The following DLG2 variants were observed in gnomAD, a reference collection of about 807,000 sequenced individuals.
The protein encoded by DLG2 is disks large homolog 2.
DLG2 carries 45 observed loss-of-function variants against 132.5 expected under a neutral mutation model. The observed-to-expected ratio is 0.34, with a 90% CI of 0.27 to 0.44. DLG2 has a LOEUF of 0.44. Among genes scored for constraint, DLG2 ranks in the 20% least tolerant of loss-of-function variants. The pLI is 1.00. For synonymous variants in DLG2, 424 were observed against 419.6 expected, an observed-to-expected ratio of 1.01 and a Z score of -0.13; for missense variants, 1,045 against 1,196.9, an observed-to-expected ratio of 0.87 and a Z score of 1.87.
chr11:84,934,504 GTTTTTTTTTTGTTTTGTTTTGT>G lies in DLG2; in HGVS notation c.357+177135_357+177156del, dbSNP rs1191321413. 1.2e-3 allele frequency among the ~76,000 whole-genome samples: 39 copies of G among 33,884 alleles called. 2 individuals carry two copies. Among genetic ancestry groups the G allele is most frequent in the Non-Finnish European group, 1.7e-3 (34 of 20,082 alleles). The allele number at this position is 33,884 out of a possible 152,430, so 22.2% of individuals were successfully genotyped here. A position where few individuals can be genotyped will look rare whatever the true frequency, so the allele number is the denominator to read the frequency against. On this transcript the variant is annotated intron_variant, in intron 6 of 27. Transcript: ENST00000376104. Reference sequence around the variant, plus strand: ...TCTGTGAATCTGTATGGTCCTGGGTGTTTTTTTTTTGTTTTGTTTTGTTTTTTTTTTTTTTTTTTTTTGGTGG... The same window carrying G: ...TCTGTGAATCTGTATGGTCCTGGGTGTTTTTTTTTTTTTTTTTTTTGGTGG...
chr11:84,080,124 C>T (rs2096882803), intron 10 of DLG2, among the ~76,000 whole-genome samples: 2 of 151,510 alleles, frequency 1.3e-5, no homozygotes, highest in South Asian at 4.1e-4. Flanking sequence ...TTTCTTGTTC[C>T]CTTCTCTATT....
intron 6 of DLG2, among the ~76,000 whole-genome samples, chr11:84,833,059 A>T (rs1203792008): frequency 9.7e-6 from 1 of 102,842 alleles, no homozygotes; most frequent in Non-Finnish European, 2.4e-5. Flanking sequence ...TTCAAAATGA[A>T]CTATAGAAAA....
At chr11:84,884,101 G>C (rs2087821526) in intron 6 of DLG2, among the ~76,000 whole-genome samples, 1 of 152,044 alleles carries the variant, frequency 6.6e-6, no homozygotes, top group South Asian at 2.1e-4. Flanking sequence ...ATTAAAGAGT[G>C]TTTTTTGTCA....
At chr11:83,467,862 T>A (rs1248156975) in intron 25 of DLG2, among the ~76,000 whole-genome samples, 6 of 110,238 alleles carry the variant, frequency 5.4e-5, no homozygotes, top group South Asian at 2.9e-4. Flanking sequence ...TATATATATA[T>A]AAATTAAATG....
At chr11:84,066,802 A>G (rs1393684271) in intron 10 of DLG2, among the ~76,000 whole-genome samples, 1 of 152,156 alleles carries the variant, frequency 6.6e-6, no homozygotes, top group African/African-American at 2.4e-5. Flanking sequence ...GTTAGGTCAC[A>G]GGGTCTGAAA....
At chr11:84,126,320 C>T (rs923208255) in intron 9 of DLG2, among the ~76,000 whole-genome samples, 4 of 151,726 alleles carry the variant, frequency 2.6e-5, no homozygotes, top group African/African-American at 9.7e-5. Context: ...GGTCAAGAAA[C>T]AAAAAGAAAA....
At chr11:85,160,467 C>G (rs2077939987) in intron 4 of DLG2, among the ~76,000 whole-genome samples, 1 of 152,170 alleles carries the variant, frequency 6.6e-6, no homozygotes, top group African/African-American at 2.4e-5. Flanking sequence ...TGAGAAACAG[C>G]TCTTGGCCTG....
At chr11:83,577,964 T>TATATATAA (rs1216207691) in intron 19 of DLG2, among the ~76,000 whole-genome samples, 1 of 136,806 alleles carries the variant, frequency 7.3e-6, no homozygotes, top group Non-Finnish European at 1.6e-5. Context: ...GTATTTATAT[T>TATATATAA]ATATATAAAT....
At chr11:84,317,671 G>A (rs551562070) in intron 7 of DLG2, among the ~76,000 whole-genome samples, 1 of 152,134 alleles carries the variant, frequency 6.6e-6, no homozygotes, top group South Asian at 2.1e-4. Flanking sequence ...AAAAAATGAT[G>A]GGAAAGTTAA....
intron 6 of DLG2, among the ~76,000 whole-genome samples, chr11:84,731,379 G>A (rs1401744238): frequency 1.3e-5 from 2 of 152,004 alleles, no homozygotes; most frequent in African/African-American, 2.4e-5. Flanking sequence ...AATGGAGAAG[G>A]CAGATGGGGA....
At chr11:83,979,641 G>A (rs955336389) in intron 12 of DLG2, among the ~76,000 whole-genome samples, 5 of 152,164 alleles carry the variant, frequency 3.3e-5, no homozygotes, top group Admixed American at 6.6e-5. Flanking sequence ...TGAAGCATGT[G>A]AGAAGCTGGC....
chr11:84,355,009 T>C (rs1009088898), intron 7 of DLG2, among the ~76,000 whole-genome samples: 1 of 152,112 alleles, frequency 6.6e-6, no homozygotes, highest in African/African-American at 2.4e-5. Context: ...ACTTCTCTCC[T>C]GAACAAGGTA....
Position 84,059,406 on chromosome 11 carries a change from CT to C in DLG2, c.827del (p.Lys276ArgfsTer33), listed in dbSNP as rs1316883960. On this transcript the variant is annotated frameshift_variant, in exon 11 of 28. Transcript: ENST00000376104. LOFTEE classifies it high-confidence loss of function. ...VSHSKAVEAL[K>X]EAGSIVRLYV... is the part of the protein sequence containing the mutation. Reference sequence around the variant, plus strand: ...ACAGCCGAACGATAGACCCTGCTTCCTTCAGGGCTTCCACCGCTTTACTGTG... The same window carrying C: ...ACAGCCGAACGATAGACCCTGCTTCCTCAGGGCTTCCACCGCTTTACTGTG... 6.2e-7 allele frequency: 1 copy of C among 1,613,328 alleles called. No individual in the cohort carries two copies. The highest frequency in any genetic ancestry group is 1.3e-5 in the African/African-American group (1 of 74,848).
At chr11:84,356,431 C>G (rs1423090719) in intron 7 of DLG2, among the ~76,000 whole-genome samples, 8 of 151,966 alleles carry the variant, frequency 5.3e-5, no homozygotes, top group African/African-American at 1.7e-4. Flanking sequence ...TAAGAGGCAG[C>G]AAAACATAGT....
intron 3 of DLG2, among the ~76,000 whole-genome samples, chr11:85,374,036 A>C (rs532048087): frequency 3.9e-4 from 59 of 152,120 alleles, no homozygotes; most frequent in African/African-American, 1.4e-3. Context: ...TTCCTAATAA[A>C]CTTTCTATGT....
At chr11:84,921,011 TAA>T (rs2092728889) in intron 6 of DLG2, among the ~76,000 whole-genome samples, 1 of 151,980 alleles carries the variant, frequency 6.6e-6, no homozygotes, top group Non-Finnish European at 1.5e-5. Context: ...CTATATACCA[TAA>T]GAGAGAATTC....
rs146368489 is a variant in DLG2 at position 85,356,618 on chromosome 11, A to C, written c.41-71253T>G. ...TACAGCAGCATTTTATTCCTTGAGC[A>C]TGTACTAGTCCATTGATCAGTCAAT... On this transcript the variant is annotated intron_variant, in intron 3 of 27. Coordinates refer to ENST00000376104, the MANE Select transcript of DLG2 (RefSeq NM_001142699.3). Among the ~76,000 whole-genome samples, 120 of 152,346 alleles carry C rather than the reference A, an allele frequency of 7.9e-4. 2 individuals carry two copies. Among genetic ancestry groups the C allele is most frequent in the Middle Eastern group, 3.4e-3 (1 of 294 alleles).
chr11:83,699,123 C>T (rs754658769), intron 18 of DLG2, among the ~76,000 whole-genome samples: 20 of 152,030 alleles, frequency 1.3e-4, no homozygotes, highest in Admixed American at 5.2e-4. Context: ...CTAGAGAAGA[C>T]GTCTAAAGGG....
At position 85,256,690 on chromosome 11, in the gene DLG2, A is replaced by G. The variant is rs570103795; in HGVS notation, c.186+28530T>C. ...GGGGTTTGAGCTCACATGGCGGCCA[A>G]ACAGAGGAGCCACGCCCCTGTCGAT... is the stretch of plus-strand genomic sequence containing the variant. On this transcript the variant is annotated intron_variant, in intron 4 of 27. Transcript: ENST00000376104. Among the ~76,000 whole-genome samples the G allele has an allele frequency of 6.6e-5, 10 of 152,172 alleles. No homozygotes were observed. The South Asian group carries it at 2.1e-3, about 32-fold the overall frequency.
Sources: allele counts gnomAD v4.1 joint callset (sites outside exome capture counted in the v4.1 genomes callset), GRCh38; gene constraint gnomAD v4.1.1; transcripts MANE v1.5; gene names NCBI Gene and HGNC (gene_info 2026-07-23, HGNC 2026-07-21).